WDR3: variants seen among roughly 807,000 people sequenced by gnomAD.
WDR3 encodes the protein WD repeat-containing protein 3.
A neutral mutation model predicts 123.7 loss-of-function variants in WDR3; 81 were observed. The observed-to-expected ratio is 0.65, with a 90% CI of 0.55 to 0.79. The LOEUF (loss-of-function observed/expected upper bound fraction) is 0.79, where lower values mean the gene tolerates loss of function less well. Among genes scored for constraint, WDR3 ranks in the 30% least tolerant of loss-of-function variants. The pLI is 0.00. For missense variants in WDR3, 1,027 were observed against 1,123.2 expected, an observed-to-expected ratio of 0.91 and a Z score of 1.22; for synonymous variants, 390 against 388.8, an observed-to-expected ratio of 1.00 and a Z score of -0.04.
At chr1:117,934,228 G>A (rs1571008166) in intron 2 of WDR3, among the ~76,000 whole-genome samples, 1 of 152,270 alleles carries the variant, frequency 6.6e-6, no homozygotes, top group East Asian at 1.9e-4. Flanking sequence ...GTTTTTATAT[G>A]TATTACAACA....
chr1:117,958,828 T>G, intron 25 of WDR3, 82 bp from the exon 26 acceptor site: 2 of 925,124 alleles, frequency 2.2e-6, no homozygotes, highest in Non-Finnish European at 3.3e-6. Flanking sequence ...TGCTTTGATA[T>G]TGTGTCTGTT....
At chr1:117,955,690 A>G (rs1652096798) in intron 24 of WDR3, among the ~76,000 whole-genome samples, 1 of 151,924 alleles carries the variant, frequency 6.6e-6, no homozygotes, top group South Asian at 2.1e-4. Flanking sequence ...ACACAATTGG[A>G]ATATTATATA....
At chr1:117,951,055 A>G (rs909568970) in intron 16 of WDR3, among the ~76,000 whole-genome samples, 165 bp downstream of exon 16, 1 of 151,962 alleles carries the variant, frequency 6.6e-6, no homozygotes, top group South Asian at 2.1e-4. Flanking sequence ...TGTATCTTAT[A>G]TATATTACTT....
At chr1:117,944,560 T>C (rs1310611569) in intron 11 of WDR3, among the ~76,000 whole-genome samples, 1 of 152,228 alleles carries the variant, frequency 6.6e-6, no homozygotes, top group Non-Finnish European at 1.5e-5. Flanking sequence ...TTTCAAACTT[T>C]TATGTGTCCC....
chr1:117,966,457 GATGA>G lies in WDR3; in HGVS notation c.*7016_*7019del. On this transcript the variant is annotated 3_prime_UTR_variant, in exon 27 of 27. Coordinates refer to ENST00000349139, the MANE Select transcript of WDR3 (RefSeq NM_006784.3). ...TTAGATTTGGCTAGGTGCTTTCAAA[GATGA>G]ATGAAGATGCTCTTTGTCTTAATAA... is the stretch of plus-strand genomic sequence containing the variant. 1 of 737,816 alleles carries G rather than the reference GATGA, an allele frequency of 1.4e-6. No individual in the cohort carries two copies. The highest frequency in any genetic ancestry group is 2.0e-6 in the Non-Finnish European group (1 of 495,494). The allele number at this position is 737,816 out of a possible 1,614,324, so 45.7% of individuals were successfully genotyped here.
At chr1:117,950,308 T>C (rs998458361) in intron 15 of WDR3, among the ~76,000 whole-genome samples, 178 bp downstream of exon 15, 1 of 152,172 alleles carries the variant, frequency 6.6e-6, no homozygotes, top group African/African-American at 2.4e-5. Context: ...AAAATAATTC[T>C]ATGGTTCATG....
At chr1:117,931,490 A>G (rs1650733903) in intron 1 of WDR3, among the ~76,000 whole-genome samples, 1 of 152,254 alleles carries the variant, frequency 6.6e-6, no homozygotes. Context: ...GAGGGGTACC[A>G]GAAGTAAGGT....
At chr1:117,959,225 C>CT (rs1652671576) in intron 26 of WDR3, 67 bp from the exon 27 acceptor site, 2 of 1,551,780 alleles carry the variant, frequency 1.3e-6, no homozygotes, top group East Asian at 4.5e-5. Context: ...TACCCTAACT[C>CT]TCATACGCTG....
intron 22 of WDR3, 144 bp downstream of exon 22, chr1:117,954,243 G>A: frequency 7.0e-6 from 5 of 717,088 alleles, no homozygotes; most frequent in Non-Finnish European, 1.1e-5. Flanking sequence ...AGAAGAAATT[G>A]AGGAAGTGTG....
chr1:117,943,292 A>G, intron 10 of WDR3, 104 bp from the exon 11 acceptor site: 3 of 1,010,172 alleles, frequency 3.0e-6, no homozygotes, highest in Non-Finnish European at 2.9e-6. Flanking sequence ...ATAGTTATTC[A>G]AACTTTATAT....
chr1:117,955,280 G>C, intron 23 of WDR3, 35 bp from the exon 24 acceptor site: 1 of 1,571,472 alleles, frequency 6.4e-7, no homozygotes, highest in East Asian at 2.3e-5. Context: ...AACCAACCAA[G>C]AGTATCACTA....
At position 117,943,477 on chromosome 1, in the gene WDR3, A is replaced by C. The variant is rs1381381866; in HGVS notation, c.1179A>C (p.Ser393=). Residue 393 remains serine (S), a synonymous_variant, in exon 11 of 27, where the codon TCA becomes TCC. Transcript: ENST00000349139. Reference sequence around the variant, plus strand: ...AGAACAACCTGGTGGAATTGTATTCACTGAATCCATCCTTGCCTACTCCTC... The same window carrying C: ...AGAACAACCTGGTGGAATTGTATTCCCTGAATCCATCCTTGCCTACTCCTC... ...LLQNNLVELY[S]LNPSLPTPQP... 7 of 1,614,084 alleles carry C rather than the reference A, an allele frequency of 4.3e-6. No homozygotes were observed. The highest frequency in any genetic ancestry group is 5.1e-6 in the Non-Finnish European group (6 of 1,180,016).
intron 4 of WDR3, among the ~76,000 whole-genome samples, chr1:117,937,115 T>C (rs1650969708): frequency 1.3e-5 from 2 of 152,188 alleles, no homozygotes; most frequent in South Asian, 2.1e-4. Context: ...TTTCTTGATA[T>C]CAGTTTTTCT....
intron 23 of WDR3, chr1:117,955,033 T>C (rs1250056314): frequency 2.5e-6 from 1 of 398,646 alleles, no homozygotes; most frequent in East Asian, 3.9e-5. Context: ...AATCTCTAAT[T>C]AGTATTTTAT....
At chr1:117,953,661 G>A in intron 21 of WDR3, 120 bp downstream of exon 21, 1 of 906,192 alleles carries the variant, frequency 1.1e-6, no homozygotes, top group Non-Finnish European at 1.7e-6. Flanking sequence ...GAGATTTAAA[G>A]ATGGGGATTA....
In WDR3 at chr1:117,941,845, A is replaced by C. The variant is rs753864403; in HGVS notation, c.987A>C (p.Ala329=). The part of the protein sequence containing the change: ...DKKMKKARKK[A]KLHSSKGEEE... ...AGATGAAGAAAGCTAGAAAGAAAGC[A>C]AAGTATGTTTTCTTAATACTTACAT... The change falls in exon 9 of 27, where the codon GCA becomes GCC. Residue 329 remains alanine, a splice_region_variant and synonymous_variant. Transcript: ENST00000349139. 1 of 1,607,268 alleles carries C rather than the reference A, an allele frequency of 6.2e-7. No homozygotes were observed. The highest frequency in any genetic ancestry group is 2.2e-5 in the East Asian group (1 of 44,700).
Position 117,961,583 on chromosome 1 carries a change from T to A in WDR3, c.*2136T>A, listed in dbSNP as rs1221901918. 6.6e-6 allele frequency: 1 copy of A among 152,216 alleles called. No individual in the cohort carries two copies. Among genetic ancestry groups the A allele is most frequent in the Non-Finnish European group, 1.5e-5 (1 of 68,030 alleles). The allele number at this position is 152,216 out of a possible 1,614,324, so 9.4% of individuals were successfully genotyped here. On this transcript the variant is annotated 3_prime_UTR_variant, in exon 27 of 27. Coordinates refer to ENST00000349139, the MANE Select transcript of WDR3 (RefSeq NM_006784.3). ...TTTAAAACTATGGTTTCTGTCTGAA[T>A]TTGGTCATTGCAACCAAGTTACTGT...
Position 117,950,041 on chromosome 1 carries a change from CTG to C in WDR3, c.1663_1664del (p.Val555GlnfsTer24). The C allele has an allele frequency of 6.2e-7, 1 of 1,613,848 alleles. No homozygotes were observed. The highest frequency in any genetic ancestry group is 2.2e-5 in the East Asian group (1 of 44,872). On this transcript the variant is annotated frameshift_variant, in exon 15 of 27. Transcript: ENST00000349139. LOFTEE classifies it high-confidence loss of function. ...AACTTTGCAACTAGATGAAGATGTT[CTG>C]TGTGTCAGTTACTCTCCCAATCAAA... ...TRTLQLDEDV[L>X]CVSYSPNQKL...
Position 117,954,029 on chromosome 1 carries a change from T to C in WDR3, c.2291T>C (p.Ile764Thr). 6.2e-7 allele frequency: 1 copy of C among 1,612,050 alleles called. No individual in the cohort carries two copies. The highest frequency in any genetic ancestry group is 8.5e-7 in the Non-Finnish European group (1 of 1,178,728). The stretch of plus-strand genomic sequence containing the variant: ...TAGGCTGAGAGGATTATGGAGGCTA[T>C]TGAGTTGTACCGAGAAGAAACTGCA... ...VKAAERIMEA[I>T]ELYREETAKM... The change falls in exon 22 of 27, where the codon ATT becomes ACT. Residue 764 changes from isoleucine (I) to threonine (T), a missense_variant. Coordinates refer to ENST00000349139, the MANE Select transcript of WDR3 (RefSeq NM_006784.3).
Sources: allele counts gnomAD v4.1 joint callset (sites outside exome capture counted in the v4.1 genomes callset), GRCh38; gene constraint gnomAD v4.1.1; transcripts MANE v1.5; gene names NCBI Gene and HGNC (gene_info 2026-07-23, HGNC 2026-07-21).